MSN: variants seen among roughly 807,000 people sequenced by gnomAD.
The protein encoded by MSN is epididymis luminal protein 70.
MSN carries 2 observed loss-of-function variants against 48.0 expected under a neutral mutation model. The ratio of observed to expected loss-of-function variants is 0.04; its 90% CI spans 0.02 to 0.13. The LOEUF (loss-of-function observed/expected upper bound fraction) is 0.13, where lower values mean the gene tolerates loss of function less well. Ranked by LOEUF, MSN falls within the 10% of genes least tolerant of loss-of-function variation. The pLI is 1.00. For synonymous variants in MSN, 146 were observed against 166.9 expected (o/e 0.87, Z 0.97); for missense variants, 267 against 470.1 (o/e 0.57, Z 3.99).
intron 3 of MSN, among the ~76,000 whole-genome samples, chrX:65,728,879 C>T (rs1158553028): frequency 9.0e-6 from 1 of 111,436 alleles, no homozygotes. Context: ...TACTGTCCTG[C>T]AGTTTGCTTC....
chrX:65,590,209 G>C (rs904476860), intron 1 of MSN, among the ~76,000 whole-genome samples: 1 of 111,169 alleles, frequency 9.0e-6, no homozygotes, highest in Non-Finnish European at 1.9e-5. Flanking sequence ...ACATTTGTTG[G>C]GATGTCCTAG....
chrX:65,683,755 G>C (rs1376595697), intron 1 of MSN, among the ~76,000 whole-genome samples: 1 of 110,402 alleles, frequency 9.1e-6, no homozygotes, highest in Non-Finnish European at 1.9e-5. Context: ...AATAAATACA[G>C]ACTTTGTTTT....
chrX:65,609,355 T>C (rs1314401427), intron 1 of MSN, among the ~76,000 whole-genome samples: 1 of 110,637 alleles, frequency 9.0e-6, no homozygotes, highest in Admixed American at 9.6e-5. Context: ...AGCTCTTGAG[T>C]TTAAGGCTCA....
At chrX:65,613,223 G>A (rs1399882321) in intron 1 of MSN, among the ~76,000 whole-genome samples, 1 of 113,865 alleles carries the variant, frequency 8.8e-6, no homozygotes, top group Non-Finnish European at 1.9e-5. Flanking sequence ...TTTTATGGAT[G>A]CATAGTATTC....
At chrX:65,679,249 A>C (rs2071031462) in intron 1 of MSN, among the ~76,000 whole-genome samples, 1 of 112,092 alleles carries the variant, frequency 8.9e-6, no homozygotes, top group Non-Finnish European at 1.9e-5. Context: ...CATCAGGGAA[A>C]GGGAAGACAA....
At chrX:65,706,483 G>A (rs1318025814) in intron 1 of MSN, among the ~76,000 whole-genome samples, 1 of 111,870 alleles carries the variant, frequency 8.9e-6, no homozygotes, top group Non-Finnish European at 1.9e-5. Context: ...GGTGGCAGGT[G>A]GAAATGAGGT....
chrX:65,593,831 C>A (rs1265113345), intron 1 of MSN, among the ~76,000 whole-genome samples: 1 of 113,041 alleles, frequency 8.8e-6, no homozygotes, highest in Non-Finnish European at 1.9e-5. Context: ...GCATGAGCCA[C>A]TGCACCCGGC....
At chrX:65,599,440 C>G (rs957399270) in intron 1 of MSN, among the ~76,000 whole-genome samples, 5 of 112,435 alleles carry the variant, frequency 4.4e-5, no homozygotes, top group Non-Finnish European at 9.4e-5. Context: ...CGAGACCATC[C>G]TGGCCAACAT....
intron 1 of MSN, among the ~76,000 whole-genome samples, chrX:65,599,667 A>T (rs1033314529): frequency 1.2e-4 from 14 of 112,123 alleles, no homozygotes; most frequent in African/African-American, 4.5e-4. Flanking sequence ...GGATTTTGAT[A>T]GGTGCAGAAC....
intron 1 of MSN, among the ~76,000 whole-genome samples, chrX:65,627,517 C>A (rs2070517860): frequency 9.0e-6 from 1 of 110,722 alleles, no homozygotes; most frequent in Non-Finnish European, 1.9e-5. Context: ...GAGACTTTTC[C>A]ACTGTCATGA....
In MSN at chrX:65,728,013, T is replaced by C. The variant is rs1602859945; in HGVS notation, c.192+104T>C. ...GGCAAATCCTGGATACCTAGGGCTG[T>C]GTTTGTGACTGGGTGGTCTGTTGAC... is the stretch of plus-strand genomic sequence containing the variant. On this transcript the variant is annotated intron_variant, in intron 3 of 12. Coordinates refer to ENST00000360270, the MANE Select transcript of MSN (RefSeq NM_002444.3). 5.9e-6 allele frequency: 4 copies of C among 682,485 alleles called. No homozygotes were observed. In the East Asian group the frequency reaches 1.4e-4, roughly 24 times the overall value. 56.2% of individuals were successfully genotyped at this position (682,485 alleles called of 1,213,427 possible).
At chrX:65,657,940 C>T (rs1433547220) in intron 1 of MSN, among the ~76,000 whole-genome samples, 1 of 112,003 alleles carries the variant, frequency 8.9e-6, no homozygotes, top group East Asian at 2.8e-4. Flanking sequence ...CATCACTTCT[C>T]AGATCCTCAA....
intron 1 of MSN, chrX:65,588,766 G>T (rs1469085695): frequency 9.3e-6 from 3 of 321,938 alleles, no homozygotes; most frequent in Non-Finnish European, 1.3e-5. Context: ...ATCAGTGTAG[G>T]TGTTTTGACC....
intron 1 of MSN, among the ~76,000 whole-genome samples, chrX:65,682,265 G>C (rs1438505106): frequency 8.9e-6 from 1 of 112,089 alleles, no homozygotes; most frequent in East Asian, 2.8e-4. Context: ...ATCTGTCTTA[G>C]GAAAACAGTT....
chrX:65,640,450 C>T (rs761813058), intron 1 of MSN, among the ~76,000 whole-genome samples: 2 of 111,985 alleles, frequency 1.8e-5, no homozygotes, highest in East Asian at 5.6e-4. Flanking sequence ...GAGGCTAATG[C>T]AGGAGAACGC....
chrX:65,697,222 C>A (rs1226499866), intron 1 of MSN, among the ~76,000 whole-genome samples: 1 of 110,642 alleles, frequency 9.0e-6, no homozygotes, highest in African/African-American at 3.3e-5. Context: ...TTGGGGACAT[C>A]CTGCTTAGGG....
intron 1 of MSN, among the ~76,000 whole-genome samples, chrX:65,640,973 G>A (rs909555284): frequency 9.1e-6 from 1 of 110,208 alleles, no homozygotes; most frequent in African/African-American, 3.3e-5. Context: ...GCTGGGCGTG[G>A]TGGCTCATGC....
chrX:65,607,754 T>C (rs2070289642), intron 1 of MSN, among the ~76,000 whole-genome samples: 1 of 110,961 alleles, frequency 9.0e-6, no homozygotes, highest in African/African-American at 3.3e-5. Context: ...TGCCCTATCC[T>C]GAGCCAAATG....
intron 1 of MSN, among the ~76,000 whole-genome samples, chrX:65,604,348 A>C (rs1261096932): frequency 8.9e-6 from 1 of 111,939 alleles, no homozygotes; most frequent in African/African-American, 3.2e-5. Flanking sequence ...TGTGGGTTTC[A>C]AGCTCAGAGA....
Sources: gnomAD v4.1 joint callset for allele counts (sites outside exome capture counted in the v4.1 genomes callset) on GRCh38, gnomAD v4.1.1 for gene constraint, MANE v1.5 for transcripts, NCBI Gene and HGNC (gene_info 2026-07-23, HGNC 2026-07-21) for gene names.